Variants in YTHDC2 observed in about 807,000 individuals in gnomAD.
YTHDC2 encodes the protein 3'-5' RNA helicase YTHDC2.
YTHDC2 carries 45 observed loss-of-function variants against 174.9 expected under a neutral mutation model. That is an observed-to-expected ratio of 0.26 (90% CI 0.20 to 0.33). The LOEUF is 0.33. Among genes scored for constraint, YTHDC2 ranks in the 10% least tolerant of loss-of-function variants. The pLI is 1.00. For missense variants in YTHDC2, 1,650 were observed against 1,723.7 expected (o/e 0.96, Z 0.76); for synonymous variants, 657 against 574.5 (o/e 1.14, Z -2.05).
At chr5:113,561,441 TTATCTATCTATC>T (rs535162186) in intron 18 of YTHDC2, among the ~76,000 whole-genome samples, 1 of 149,156 alleles carries the variant, frequency 6.7e-6, no homozygotes, top group Non-Finnish European at 1.5e-5. Flanking sequence ...TATATATTTT[TTATCTATCTATC>T]TATCTATCTA....
intron 18 of YTHDC2, among the ~76,000 whole-genome samples, chr5:113,561,957 G>GGTGGGTGGGTGGGTGTGT (rs1347716150): frequency 7.4e-6 from 1 of 134,872 alleles, no homozygotes; most frequent in Non-Finnish European, 1.6e-5. Flanking sequence ...ATTAATTGTG[G>GGTGGGTGGGTGGGTGTGT]GTGTGTGTGT....
chr5:113,589,408 A>AAAATATATATATATAT (rs368975720), intron 26 of YTHDC2, among the ~76,000 whole-genome samples: 45 of 123,228 alleles, frequency 3.7e-4, no homozygotes, highest in African/African-American at 7.5e-4. Flanking sequence ...AAAAAAAAAA[A>AAAATATATATATATAT]ATATATATAT....
intron 26 of YTHDC2, among the ~76,000 whole-genome samples, chr5:113,585,971 T>A (rs1429430190): frequency 6.6e-6 from 1 of 152,072 alleles, no homozygotes; most frequent in Non-Finnish European, 1.5e-5. Context: ...GTACTAACAT[T>A]CAAGTAAAAT....
chr5:113,538,940 A>G, intron 7 of YTHDC2, 134 bp from the exon 8 acceptor site: 1 of 491,404 alleles, frequency 2.0e-6, no homozygotes, highest in Non-Finnish European at 3.6e-6. Context: ...AAAGGACAAT[A>G]TTATAAGAGT....
chr5:113,522,142 T>G (rs939884705), intron 2 of YTHDC2, among the ~76,000 whole-genome samples: 5 of 28,598 alleles, frequency 1.7e-4, no homozygotes, highest in African/African-American at 3.4e-4. Context: ...TTGTTTTTTG[T>G]TTTTTTTTTT....
chr5:113,582,367 T>G (rs1306043561), intron 25 of YTHDC2: 2 of 152,210 alleles, frequency 1.3e-5, no homozygotes, highest in Non-Finnish European at 2.9e-5. Context: ...TGTGGTGGTG[T>G]TTTTGTTTAT....
Position 113,525,157 on chromosome 5 carries a change from A to T in YTHDC2, c.455A>T (p.Asn152Ile). Residue 152 changes from asparagine to isoleucine, a missense_variant, in exon 3 of 30, where the codon AAT becomes ATT. Coordinates refer to ENST00000161863, the MANE Select transcript of YTHDC2 (RefSeq NM_022828.5). The stretch of plus-strand genomic sequence containing the variant: ...CTTCTGCCTAAAACAGAAAGAGGAA[A>T]TGTGTTTGCAGTTGAAGCTGGTATG... ...TELLPKTERG[N>I]VFAVEAENRE... 6.3e-7 allele frequency: 1 copy of T among 1,599,620 alleles called. No individual in the cohort carries two copies. The highest frequency in any genetic ancestry group is 8.5e-7 in the Non-Finnish European group (1 of 1,174,446).
At position 113,553,335 on chromosome 5, in the gene YTHDC2, A is replaced by G. The variant is rs1433565141; in HGVS notation, c.1843A>G (p.Asn615Asp). ...GGATTTGATCATGCATCTTCTATAC[A>G]ATATCTGCCATAGTTGTGATGCTGG... ...DLDLIMHLLY[N>D]ICHSCDAGAV... Residue 615 changes from asparagine (N) to aspartate (D), a missense_variant, in exon 13 of 30, where the codon AAT becomes GAT. Transcript: ENST00000161863. The G allele has an allele frequency of 1.2e-6, 2 of 1,605,288 alleles. No individual in the cohort carries two copies. Among genetic ancestry groups the G allele is most frequent in the Non-Finnish European group, 1.7e-6 (2 of 1,177,390 alleles).
At chr5:113,527,079 A>C (rs748041226) in intron 4 of YTHDC2, among the ~76,000 whole-genome samples, 7 of 152,126 alleles carry the variant, frequency 4.6e-5, no homozygotes, top group Non-Finnish European at 8.8e-5. Context: ...CATGGAAAGA[A>C]GATGGGCTTT....
intron 12 of YTHDC2, 41 bp downstream of exon 12, chr5:113,549,061 T>TA: frequency 6.7e-7 from 1 of 1,503,558 alleles, no homozygotes; most frequent in East Asian, 2.3e-5. Context: ...TACCGTCTCT[T>TA]AAAAAAGAGC....
chr5:113,560,611 A>G (rs1218471388), intron 17 of YTHDC2, among the ~76,000 whole-genome samples: 1 of 152,140 alleles, frequency 6.6e-6, no homozygotes, highest in Non-Finnish European at 1.5e-5. Context: ...TCTTCCAGGT[A>G]TTTTTCTGCT....
At chr5:113,585,161 T>C (rs990730099) in intron 26 of YTHDC2, among the ~76,000 whole-genome samples, 2 of 151,962 alleles carry the variant, frequency 1.3e-5, no homozygotes, top group Non-Finnish European at 2.9e-5. Flanking sequence ...AAAACAGTGG[T>C]TTCTTTCTAT....
chr5:113,576,447 T>C (rs1778050637), intron 23 of YTHDC2, among the ~76,000 whole-genome samples: 2 of 152,198 alleles, frequency 1.3e-5, no homozygotes, highest in Admixed American at 1.3e-4. Context: ...CTTTAATTCA[T>C]TTAATATTTT....
Position 113,515,255 on chromosome 5 carries a change from G to GC in YTHDC2, c.188-17_188-16insC. 3.2e-6 allele frequency: 5 copies of GC among 1,584,658 alleles called. No homozygotes were observed. The highest frequency in any genetic ancestry group is 4.3e-6 in the Non-Finnish European group (5 of 1,167,918). ...GCCTATCTACAAATTTTACTACTTT[G>GC]TTTTTTTTCCGTGTAGAAATGGAAT... On this transcript the variant is annotated splice_polypyrimidine_tract_variant and intron_variant, in intron 1 of 29. Transcript: ENST00000161863.
chr5:113,569,064 C>G (rs79810782), intron 23 of YTHDC2, among the ~76,000 whole-genome samples: 5,107 of 152,158 alleles, frequency 0.034, 278 homozygotes, highest in African/African-American at 0.12. Flanking sequence ...CAATTCTGAT[C>G]TCATTGTGGT....
chr5:113,584,226 A>G, intron 25 of YTHDC2, 76 bp from the exon 26 acceptor site: 1 of 1,293,676 alleles, frequency 7.7e-7, no homozygotes, highest in Non-Finnish European at 1.1e-6. Context: ...GCTTTGTATT[A>G]TAAACTTATA....
chr5:113,521,185 T>C (rs1773837749), intron 2 of YTHDC2, among the ~76,000 whole-genome samples: 8 of 152,218 alleles, frequency 5.3e-5, no homozygotes, highest in Admixed American at 5.2e-4. Context: ...ACAAGTTTTA[T>C]AAGGCAGAGT....
At chr5:113,537,359 CTCT>C (rs1172581516) in intron 7 of YTHDC2, among the ~76,000 whole-genome samples, 1 of 112,560 alleles carries the variant, frequency 8.9e-6, no homozygotes, top group African/African-American at 4.7e-5. Context: ...TTGGCTCTCT[CTCT>C]TTTTTTTTTT....
At chr5:113,529,851 G>T (rs1430552651) in intron 4 of YTHDC2, among the ~76,000 whole-genome samples, 2 of 152,040 alleles carry the variant, frequency 1.3e-5, no homozygotes, top group Non-Finnish European at 2.9e-5. Context: ...TATTTAGTCA[G>T]ATCTGTCAAT....
Sources: allele counts gnomAD v4.1 joint callset (sites outside exome capture counted in the v4.1 genomes callset), GRCh38; gene constraint gnomAD v4.1.1; transcripts MANE v1.5; gene names NCBI Gene and HGNC (gene_info 2026-07-23, HGNC 2026-07-21).